DNA2: variants seen among roughly 807,000 people sequenced by gnomAD.
The protein encoded by DNA2 is DNA replication helicase/nuclease 2.
A neutral mutation model predicts 119.1 loss-of-function variants in DNA2; 101 were observed. The ratio of observed to expected loss-of-function variants is 0.85; its 90% CI spans 0.72 to 1.00. The LOEUF (loss-of-function observed/expected upper bound fraction) is 1.00, where lower values mean the gene tolerates loss of function less well. Among genes scored for constraint, DNA2 ranks in the 50% least tolerant of loss-of-function variants. DNA2 has a pLI of 0.00. For synonymous variants in DNA2, 366 were observed against 424.4 expected (o/e 0.86, Z 1.69); for missense variants, 1,121 against 1,255.5 (o/e 0.89, Z 1.62).
chr10:68,454,940 ATT>A lies in DNA2; in HGVS notation c.719+4162_719+4163del, dbSNP rs113945256. ...AGGAGCAGTTGAAGATAAAATTAGGATTTTTTTTTTTTTTTTGAGATGGAATC... is the reference window on the plus strand; with the variant it reads ...AGGAGCAGTTGAAGATAAAATTAGGATTTTTTTTTTTTTTGAGATGGAATC... On this transcript the variant is annotated intron_variant, in intron 5 of 20. Coordinates refer to ENST00000358410, the MANE Select transcript of DNA2 (RefSeq NM_001080449.3). 2.6e-3 allele frequency among the ~76,000 whole-genome samples: 357 copies of A among 138,590 alleles called. 1 individual carries two copies. Among genetic ancestry groups the A allele is most frequent in the African/African-American group, 4.1e-3 (155 of 37,768 alleles). 90.9% of individuals were successfully genotyped at this position (138,590 alleles called of 152,430 possible).
chr10:68,425,095 T>C (rs970182064), intron 14 of DNA2: 28 of 275,364 alleles, frequency 1.0e-4, no homozygotes, highest in Non-Finnish European at 1.5e-4. Flanking sequence ...TTTCTTTTTT[T>C]TTTTTTTTTT....
rs777138576 is a variant in DNA2, at chr10:68,422,637, T to C, written c.2403-33A>G. ...TAAATCAGATTCATGTTTATCAGTG[T>C]ACTAAATCTGTTCCTTGAAAATAAT... On this transcript the variant is annotated intron_variant, in intron 15 of 20. Transcript: ENST00000358410. 1.6e-5 allele frequency: 25 copies of C among 1,612,508 alleles called. No individual in the cohort carries two copies. The South Asian group carries it at 2.5e-4, about 16-fold the overall frequency.
chr10:68,455,368 C>A (rs2052169546), intron 5 of DNA2, among the ~76,000 whole-genome samples: 1 of 152,084 alleles, frequency 6.6e-6, no homozygotes, highest in Non-Finnish European at 1.5e-5. Context: ...AATATCCAAC[C>A]CCTATGTCAG....
chr10:68,447,911 G>A (rs918140275), intron 6 of DNA2, among the ~76,000 whole-genome samples: 2 of 151,098 alleles, frequency 1.3e-5, no homozygotes, highest in Non-Finnish European at 2.9e-5. Flanking sequence ...ATGAACCCAG[G>A]AGGCAGAGCT....
At position 68,432,260 on chromosome 10, in the gene DNA2, G is replaced by T. The variant is rs759631285; in HGVS notation, c.1819C>A (p.Leu607Ile). The T allele has an allele frequency of 1.6e-5, 26 of 1,609,726 alleles. No individual in the cohort carries two copies. Among genetic ancestry groups the T allele is most frequent in the Non-Finnish European group, 8.5e-7 (1 of 1,178,822 alleles). Residue 607 changes from leucine to isoleucine, a missense_variant, in exon 12 of 21, where the codon CTT (leucine) becomes ATT (isoleucine). Transcript: ENST00000358410. ...DFREPQFISY[L>I]SSVLPHDAKD... ...GCATCATGTGGAAGAACAGAACTAA[G>T]GTAGGATATAAACTGAGGTTCACGA...
intron 17 of DNA2, among the ~76,000 whole-genome samples, chr10:68,420,374 TA>T (rs2051648850): frequency 2.0e-5 from 3 of 152,102 alleles, no homozygotes; most frequent in Non-Finnish European, 1.5e-5. Context: ...CCGTCTCTAC[TA>T]AAAATACAAA....
At chr10:68,434,065 G>A (rs1255149496) in intron 10 of DNA2, among the ~76,000 whole-genome samples, 3 of 152,128 alleles carry the variant, frequency 2.0e-5, no homozygotes, top group South Asian at 2.1e-4. Context: ...ACTTGAGATC[G>A]GGAATTTGGG....
chr10:68,460,466 G>A (rs571924538), intron 4 of DNA2, among the ~76,000 whole-genome samples: 7 of 150,924 alleles, frequency 4.6e-5, no homozygotes, highest in African/African-American at 9.8e-5. Context: ...TGCCCAGGCT[G>A]GCGCGATCTC....
intron 1 of DNA2, chr10:68,470,372 T>C (rs999467716): frequency 2.4e-5 from 12 of 507,318 alleles, no homozygotes; most frequent in Non-Finnish European, 3.5e-5. Context: ...AGTAATGCCA[T>C]TTCAAACATG....
chr10:68,425,362 G>C (rs1357416802), intron 14 of DNA2, among the ~76,000 whole-genome samples: 1 of 150,550 alleles, frequency 6.6e-6, no homozygotes, highest in Non-Finnish European at 1.5e-5. Context: ...CCAAAGTGAT[G>C]GGATTACAGG....
intron 20 of DNA2, among the ~76,000 whole-genome samples, chr10:68,415,848 T>C (rs1027677660): frequency 6.6e-6 from 1 of 151,520 alleles, no homozygotes. Context: ...GAGACGGGGT[T>C]TCACCATGTT....
chr10:68,419,289 G>C (rs2051635243), intron 18 of DNA2, 76 bp from the exon 19 acceptor site: 1 of 1,166,182 alleles, frequency 8.6e-7, no homozygotes, highest in Admixed American at 3.5e-5. Context: ...ATAATTAAAT[G>C]TTTACATTAT....
chr10:68,452,516 T>A (rs2052132506), intron 5 of DNA2, among the ~76,000 whole-genome samples: 1 of 152,132 alleles, frequency 6.6e-6, no homozygotes, highest in African/African-American at 2.4e-5. Context: ...TTAAAAAAAC[T>A]TTTAAAGTTG....
In DNA2 at chr10:68,437,056, T is replaced by C; in HGVS notation, c.1601A>G (p.Tyr534Cys). 6.2e-7 allele frequency: 1 copy of C among 1,613,462 alleles called. No individual in the cohort carries two copies. Among genetic ancestry groups the C allele is most frequent in the Non-Finnish European group, 8.5e-7 (1 of 1,179,750 alleles). Residue 534 changes from tyrosine (Y) to cysteine (C), a missense_variant, in exon 10 of 21, where the codon TAT (tyrosine) becomes TGT (cysteine). Tyr to Cys is a radical substitution (Grantham distance 194, BLOSUM62 -2). Transcript: ENST00000358410. The stretch of plus-strand genomic sequence containing the variant: ...TGTTGTCATGTTAATCTCCTTCACA[T>C]ATCCTCTAGACAAAGCAAACAGTGA... ...ERSLFALSRG[Y>C]VKEINMTTVT... is the part of the protein sequence containing the mutation.
intron 5 of DNA2, among the ~76,000 whole-genome samples, chr10:68,452,737 A>ATT (rs35788452): frequency 2.9e-4 from 26 of 90,144 alleles, no homozygotes; most frequent in East Asian, 3.3e-4. Flanking sequence ...ACGCCCAGCT[A>ATT]TTTTTTTTTT....
intron 14 of DNA2, chr10:68,425,088 CTTTTTTTTTTTT>C (rs60065153): frequency 7.7e-6 from 1 of 129,442 alleles, no homozygotes; most frequent in Non-Finnish European, 1.3e-5. Flanking sequence ...TGGAACATTT[CTTTTTTTTTTTT>C]TTTTTTTTTT....
In DNA2 at chr10:68,437,081, A is replaced by C. The variant is rs1590057986; in HGVS notation, c.1576T>G (p.Ser526Ala). The C allele has an allele frequency of 6.2e-7, 1 of 1,613,906 alleles. No individual in the cohort carries two copies. Among genetic ancestry groups the C allele is most frequent in the Non-Finnish European group, 8.5e-7 (1 of 1,179,866 alleles). ...DRVIVSGEER[S>A]LFALSRGYVK... is the part of the protein sequence containing the mutation. Reference sequence around the variant, plus strand: ...TATCCTCTAGACAAAGCAAACAGTGACCTTTCTTCTCCACTTACAATAACT... The same window carrying C: ...TATCCTCTAGACAAAGCAAACAGTGCCCTTTCTTCTCCACTTACAATAACT... The change falls in exon 10 of 21, where the codon TCA (serine) becomes GCA (alanine). Residue 526 changes from serine (S) to alanine (A), a missense_variant. Ser to Ala is a moderately conservative substitution (Grantham distance 99, BLOSUM62 1). Transcript: ENST00000358410.
upstream of DNA2, chr10:68,472,049 C>G: frequency 6.2e-7 from 1 of 1,601,252 alleles, no homozygotes; most frequent in Non-Finnish European, 8.5e-7. Flanking sequence ...CGTGGGGCCC[C>G]TCACCTGAGC....
At chr10:68,456,962 G>A (rs1483645105) in intron 5 of DNA2, among the ~76,000 whole-genome samples, 5 of 151,486 alleles carry the variant, frequency 3.3e-5, no homozygotes, top group Non-Finnish European at 4.4e-5. Flanking sequence ...GTGAAACCCC[G>A]GCTCTACTAA....
Sources: gnomAD v4.1 joint callset for allele counts (sites outside exome capture counted in the v4.1 genomes callset) on GRCh38, gnomAD v4.1.1 for gene constraint, MANE v1.5 for transcripts, NCBI Gene and HGNC (gene_info 2026-07-23, HGNC 2026-07-21) for gene names.